The following ZDHHC15 variants were observed in gnomAD, a reference collection of about 807,000 sequenced individuals.
The protein encoded by ZDHHC15 is palmitoyltransferase ZDHHC15.
ZDHHC15 carries 19 observed loss-of-function variants against 31.7 expected under a neutral mutation model. The ratio of observed to expected loss-of-function variants is 0.60; its 90% CI spans 0.42 to 0.88. The LOEUF is 0.88. Among genes scored for constraint, ZDHHC15 ranks in the 40% least tolerant of loss-of-function variants. ZDHHC15 has a pLI of 0.00. For synonymous variants in ZDHHC15, 103 were observed against 90.0 expected (o/e 1.14, Z -0.82); for missense variants, 209 against 251.2 (o/e 0.83, Z 1.14).
intron 3 of ZDHHC15, among the ~76,000 whole-genome samples, chrX:75,462,809 CA>C (rs1301439076): frequency 9.0e-6 from 1 of 110,544 alleles, no homozygotes; most frequent in Non-Finnish European, 1.9e-5. Context: ...ATCCCCACAC[CA>C]AAAAGCTAGA....
chrX:75,484,696 C>T, intron 2 of ZDHHC15, among the ~76,000 whole-genome samples: 1 of 111,719 alleles, frequency 9.0e-6, no homozygotes, highest in Middle Eastern at 4.6e-3. Context: ...ACCATATGAC[C>T]CAAGAATCCC....
rs769457548 is a variant in ZDHHC15, at chrX:75,399,461, C to A, written c.967+17626G>T. On this transcript the variant is annotated intron_variant, in intron 10 of 11. Coordinates refer to ENST00000373367, the MANE Select transcript of ZDHHC15 (RefSeq NM_144969.3). The stretch of plus-strand genomic sequence containing the variant: ...ACACCACCCATGGCTCATCACCAGA[C>A]AGGGAACCCCTGGCTTGGGCATAAA... Among the ~76,000 whole-genome samples, 15 of 112,261 alleles carry A rather than the reference C, an allele frequency of 1.3e-4. No individual in the cohort carries two copies. In the South Asian group the frequency reaches 5.6e-3, roughly 42 times the overall value.
chrX:75,401,754 G>C (rs2083361168), intron 10 of ZDHHC15, among the ~76,000 whole-genome samples: 1 of 111,852 alleles, frequency 8.9e-6, no homozygotes, highest in South Asian at 3.7e-4. Context: ...AGTTCTTAGA[G>C]ATGTACAAAG....
At chrX:75,469,579 C>A (rs936100265) in intron 3 of ZDHHC15, among the ~76,000 whole-genome samples, 1 of 111,897 alleles carries the variant, frequency 8.9e-6, no homozygotes, top group Admixed American at 9.5e-5. Context: ...CCTCTCTTTC[C>A]AAAAGCTGAA....
At chrX:75,503,881 T>G (rs923507700) in intron 2 of ZDHHC15, among the ~76,000 whole-genome samples, 2 of 111,345 alleles carry the variant, frequency 1.8e-5, no homozygotes, top group African/African-American at 6.5e-5. Context: ...AGTATCCTTC[T>G]TTGCCTCTTT....
chrX:75,390,975 T>C (rs903411075), intron 10 of ZDHHC15, among the ~76,000 whole-genome samples: 10 of 111,383 alleles, frequency 9.0e-5, no homozygotes, highest in African/African-American at 2.6e-4. Flanking sequence ...ATCAAGATAA[T>C]ACAGAGAAGG....
intron 3 of ZDHHC15, among the ~76,000 whole-genome samples, chrX:75,466,307 G>T (rs768713639): frequency 8.9e-5 from 10 of 111,946 alleles, no homozygotes; most frequent in Admixed American, 5.7e-4. Context: ...TGCTGACAAG[G>T]TTGCAGATAA....
intron 7 of ZDHHC15, 100 bp downstream of exon 7, chrX:75,428,978 A>G (rs1376006268): frequency 2.8e-6 from 3 of 1,080,080 alleles, no homozygotes; most frequent in Non-Finnish European, 3.8e-6. Context: ...CAACAGTATT[A>G]GCTATTTAAA....
At chrX:75,391,386 C>G (rs1005576436) in intron 10 of ZDHHC15, among the ~76,000 whole-genome samples, 1 of 111,553 alleles carries the variant, frequency 9.0e-6, no homozygotes, top group Non-Finnish European at 1.9e-5. Flanking sequence ...GAAGACCAAA[C>G]AGATTTAAGC....
chrX:75,505,727 G>T, intron 2 of ZDHHC15, 94 bp downstream of exon 2: 1 of 1,025,200 alleles, frequency 9.8e-7, no homozygotes, highest in Non-Finnish European at 1.3e-6. Flanking sequence ...TTATTTCTGG[G>T]AAAATTGCTC....
At chrX:75,470,720 G>C (rs965942474) in intron 3 of ZDHHC15, among the ~76,000 whole-genome samples, 7 of 111,207 alleles carry the variant, frequency 6.3e-5, no homozygotes, top group Admixed American at 5.7e-4. Flanking sequence ...TGGGTCCCCG[G>C]ACTCATCTTG....
chrX:75,389,365 G>A (rs1440508300), intron 10 of ZDHHC15, among the ~76,000 whole-genome samples: 2 of 110,371 alleles, frequency 1.8e-5, no homozygotes, highest in Non-Finnish European at 3.8e-5. Context: ...GACCTAGTGA[G>A]ATACCAGCCA....
intron 2 of ZDHHC15, among the ~76,000 whole-genome samples, chrX:75,495,615 G>C (rs1234904086): frequency 9.0e-6 from 1 of 110,554 alleles, no homozygotes; most frequent in Non-Finnish European, 1.9e-5. Flanking sequence ...AAAATGATGA[G>C]TTCATGTCCT....
chrX:75,462,149 A>G (rs1304399613), intron 3 of ZDHHC15, among the ~76,000 whole-genome samples: 2 of 112,044 alleles, frequency 1.8e-5, no homozygotes, highest in Non-Finnish European at 3.8e-5. Context: ...AACAAAACTG[A>G]CTTTAAACCA....
chrX:75,399,855 C>T (rs933894212), intron 10 of ZDHHC15, among the ~76,000 whole-genome samples: 2 of 111,423 alleles, frequency 1.8e-5, no homozygotes, highest in Non-Finnish European at 3.8e-5. Flanking sequence ...AAAACTTCAA[C>T]ACCAAAAATT....
At chrX:75,494,399 C>T (rs1156730626) in intron 2 of ZDHHC15, among the ~76,000 whole-genome samples, 2 of 111,272 alleles carry the variant, frequency 1.8e-5, no homozygotes, top group Admixed American at 9.6e-5. Flanking sequence ...CATCAAGCTA[C>T]CAATGACTTT....
intron 4 of ZDHHC15, among the ~76,000 whole-genome samples, chrX:75,437,044 G>A (rs1301549880): frequency 9.1e-6 from 1 of 110,083 alleles, no homozygotes; most frequent in Non-Finnish European, 1.9e-5. Context: ...ACCATGCCCG[G>A]CTAATTTTTT....
intron 3 of ZDHHC15, among the ~76,000 whole-genome samples, chrX:75,473,924 C>T (rs968113797): frequency 6.3e-5 from 7 of 111,337 alleles, no homozygotes; most frequent in South Asian, 3.8e-4. Flanking sequence ...GGTATTGGTG[C>T]GTTTCTGTTG....
chrX:75,428,564 T>TA (rs1414761446), intron 7 of ZDHHC15, among the ~76,000 whole-genome samples: 6 of 110,957 alleles, frequency 5.4e-5, no homozygotes, highest in Non-Finnish European at 1.1e-4. Context: ...CAAACAAAGT[T>TA]AAAAAACAAA....
Sources: gnomAD v4.1 joint callset for allele counts (sites outside exome capture counted in the v4.1 genomes callset) on GRCh38, gnomAD v4.1.1 for gene constraint, MANE v1.5 for transcripts, NCBI Gene and HGNC (gene_info 2026-07-23, HGNC 2026-07-21) for gene names.